The following ABCA12 variants were observed in gnomAD, a reference collection of about 807,000 sequenced individuals.
ABCA12 encodes the protein ATP binding cassette subfamily A member 12, also known as glucosylceramide transporter ABCA12.
Under a neutral mutation model 293.5 loss-of-function variants are expected in ABCA12, and 156 were observed. The observed-to-expected ratio is 0.53, with a 90% CI of 0.47 to 0.61. The LOEUF is 0.61. Among genes scored for constraint, ABCA12 ranks in the 20% least tolerant of loss-of-function variants. The pLI, the probability that ABCA12 is intolerant of heterozygous loss-of-function variation, is 0.00. For missense variants in ABCA12, 2,797 were observed against 3,090.2 expected (o/e 0.91, Z 2.25); for synonymous variants, 1,063 against 1,108.0 (o/e 0.96, Z 0.81).
intron 7 of ABCA12, among the ~76,000 whole-genome samples, chr2:215,038,090 C>T (rs762209937): frequency 1.3e-5 from 2 of 151,870 alleles, no homozygotes; most frequent in Non-Finnish European, 2.9e-5. Context: ...TTTTAGTCCC[C>T]TAGATATGAA....
At chr2:214,943,673 G>A (rs1698482575) in intron 49 of ABCA12, among the ~76,000 whole-genome samples, 1 of 152,036 alleles carries the variant, frequency 6.6e-6, no homozygotes, top group South Asian at 2.1e-4. Context: ...ATAACACTAA[G>A]CTTTTTCCAT....
At chr2:215,062,513 C>T (rs544187521) in intron 3 of ABCA12, among the ~76,000 whole-genome samples, 1 of 152,030 alleles carries the variant, frequency 6.6e-6, no homozygotes, top group East Asian at 1.9e-4. Flanking sequence ...AATGCGAATC[C>T]CCTTACCTTT....
chr2:214,943,368 C>T (rs1698472059), intron 49 of ABCA12, among the ~76,000 whole-genome samples: 1 of 151,950 alleles, frequency 6.6e-6, no homozygotes. Context: ...CGTTCTTGAA[C>T]TCCTGGGCTC....
intron 3 of ABCA12, among the ~76,000 whole-genome samples, chr2:215,063,654 G>T (rs1437462785): frequency 2.0e-5 from 3 of 151,820 alleles, no homozygotes; most frequent in African/African-American, 7.3e-5. Flanking sequence ...GGTTTTTATT[G>T]TATCTGAAAG....
intron 31 of ABCA12, 80 bp from the exon 32 acceptor site, chr2:214,979,120 G>A (rs1699592421): frequency 7.6e-7 from 1 of 1,318,730 alleles, no homozygotes; most frequent in Non-Finnish European, 1.1e-6. Flanking sequence ...AGGGTGAGGT[G>A]ATGAGCTCTT....
chr2:215,104,990 C>T (rs1189372037), intron 2 of ABCA12, among the ~76,000 whole-genome samples: 1 of 152,080 alleles, frequency 6.6e-6, no homozygotes, highest in African/African-American at 2.4e-5. Flanking sequence ...CTCAGACTCA[C>T]ATTGAGTTTT....
At chr2:214,950,384 C>CTGTG (rs61619476) in intron 45 of ABCA12, among the ~76,000 whole-genome samples, 9,453 of 116,354 alleles carry the variant, frequency 0.081, 327 homozygotes, top group Middle Eastern at 0.16. Flanking sequence ...ATATATATAT[C>CTGTG]TGTGTGTGTG....
chr2:215,106,985 T>C (rs534154288), intron 2 of ABCA12, among the ~76,000 whole-genome samples: 3 of 152,272 alleles, frequency 2.0e-5, no homozygotes, highest in South Asian at 2.1e-4. Flanking sequence ...AGCCTTGAGA[T>C]AGTTGGGGCT....
intron 51 of ABCA12, 57 bp from the exon 52 acceptor site, chr2:214,934,272 C>T: frequency 1.3e-6 from 2 of 1,591,800 alleles, no homozygotes; most frequent in Non-Finnish European, 1.7e-6. Flanking sequence ...GTTGACATGA[C>T]TAGACATAAC....
chr2:215,131,276 C>G (rs1486078450), intron 1 of ABCA12, among the ~76,000 whole-genome samples: 1 of 151,578 alleles, frequency 6.6e-6, no homozygotes, highest in Admixed American at 6.6e-5. Context: ...CCCTCCTCTT[C>G]GATTTTTTTT....
intron 10 of ABCA12, among the ~76,000 whole-genome samples, chr2:215,026,429 T>C (rs1700746885): frequency 6.6e-6 from 1 of 152,248 alleles, no homozygotes; most frequent in Admixed American, 6.5e-5. Context: ...CACCCGCTTT[T>C]AGAACTCTAT....
chr2:215,058,574 C>T (rs1277916488), intron 3 of ABCA12, among the ~76,000 whole-genome samples: 2 of 152,022 alleles, frequency 1.3e-5, no homozygotes, highest in African/African-American at 2.4e-5. Context: ...CCACTGAATT[C>T]GGGACATAGG....
At chr2:215,112,167 C>T (rs1702585059) in intron 1 of ABCA12, among the ~76,000 whole-genome samples, 1 of 151,846 alleles carries the variant, frequency 6.6e-6, no homozygotes, top group Non-Finnish European at 1.5e-5. Context: ...GGTCATGACC[C>T]ATAAATATTG....
intron 2 of ABCA12, among the ~76,000 whole-genome samples, chr2:215,109,301 G>C (rs948782597): frequency 5.6e-4 from 85 of 152,210 alleles, no homozygotes; most frequent in African/African-American, 1.9e-3. Flanking sequence ...CATGGACAAA[G>C]AAGCGGTTTT....
intron 1 of ABCA12, among the ~76,000 whole-genome samples, chr2:215,118,311 A>G (rs1393831610): frequency 1.3e-5 from 2 of 152,170 alleles, no homozygotes; most frequent in Non-Finnish European, 2.9e-5. Flanking sequence ...CTGAGGCAGA[A>G]GAATCATTTG....
chr2:214,959,071 G>C lies in ABCA12; in HGVS notation c.5892C>G (p.Ile1964Met), dbSNP rs774824960. The C allele has an allele frequency of 1.9e-6, 3 of 1,613,622 alleles. No homozygotes were observed. Among genetic ancestry groups the C allele is most frequent in the Non-Finnish European group, 2.5e-6 (3 of 1,179,690 alleles). The change falls in exon 40 of 53, where the codon ATC (isoleucine) becomes ATG (methionine). Residue 1964 changes from isoleucine to methionine, a missense_variant. By Grantham distance (10) the Ile-to-Met change is conservative. This residue lies in a region of ABCA12 where 2,130 missense variants were observed against 2,427.0 expected (regional missense o/e 0.88). Transcript: ENST00000272895. ...CTCCTGGATAAGGATGGCTATACAT[G>C]ATGATGCCTTAAAGACGAAACAGTT... is the stretch of plus-strand genomic sequence containing the variant. ...SKYDAARHGI[I>M]MYSHPYPGVQ...
intron 2 of ABCA12, among the ~76,000 whole-genome samples, chr2:215,093,988 G>A (rs1702200192): frequency 6.6e-6 from 1 of 152,160 alleles, no homozygotes; most frequent in Admixed American, 6.5e-5. Context: ...CACCAGCAAA[G>A]GCAGGCTATG....
At chr2:215,110,314 T>A (rs1388846787) in intron 2 of ABCA12, among the ~76,000 whole-genome samples, 1 of 152,012 alleles carries the variant, frequency 6.6e-6, no homozygotes, top group African/African-American at 2.4e-5. Flanking sequence ...ATCAAGACCA[T>A]CCCGGCTAAC....
At chr2:215,033,844 A>G (rs1296520734) in intron 8 of ABCA12, among the ~76,000 whole-genome samples, 6 of 151,990 alleles carry the variant, frequency 3.9e-5, no homozygotes, top group South Asian at 2.1e-4. Context: ...GGGAGGCTGA[A>G]GCAGGAGAAT....
Sources: gnomAD v4.1 joint callset for allele counts (sites outside exome capture counted in the v4.1 genomes callset) on GRCh38, gnomAD v4.1.1 for gene constraint, gnomAD v4.1.1 regional missense constraint, MANE v1.5 for transcripts, NCBI Gene and HGNC (gene_info 2026-07-23, HGNC 2026-07-21) for gene names.